Variants in DMD observed in about 807,000 individuals in gnomAD.
DMD encodes the protein dystrophin.
Under a neutral mutation model 330.1 loss-of-function variants are expected in DMD, and 63 were observed. The ratio of observed to expected loss-of-function variants is 0.19; its 90% confidence interval spans 0.16 to 0.24. DMD has a LOEUF of 0.24. Ranked by LOEUF, DMD falls within the 10% of genes least tolerant of loss-of-function variation. The pLI is 1.00. For synonymous variants in DMD, 1,223 were observed against 959.8 expected, an observed-to-expected ratio of 1.27 and a Z score of -5.07; for missense variants, 3,344 against 2,684.1, an observed-to-expected ratio of 1.25 and a Z score of -5.43.
At chrX:33,259,718 C>T (rs1158467817) in intron 1 of DMD, among the ~76,000 whole-genome samples, 3 of 107,188 alleles carry the variant, frequency 2.8e-5, no homozygotes, top group Non-Finnish European at 5.8e-5. Flanking sequence ...CACCTCCTGC[C>T]GCAACCCCTG....
At chrX:33,056,521 C>G (rs930238704) in intron 1 of DMD, among the ~76,000 whole-genome samples, 1 of 109,409 alleles carries the variant, frequency 9.1e-6, no homozygotes, top group Non-Finnish European at 1.9e-5. Flanking sequence ...CCACCATGCC[C>G]GGCTAATTTT....
chrX:33,197,014 T>C (rs753246646), intron 1 of DMD, among the ~76,000 whole-genome samples: 2 of 111,282 alleles, frequency 1.8e-5, no homozygotes, highest in Non-Finnish European at 3.8e-5. Flanking sequence ...GTAGGACATA[T>C]AGAATACGGC....
At chrX:32,667,736 C>T (rs897326314) in intron 9 of DMD, among the ~76,000 whole-genome samples, 67 of 104,979 alleles carry the variant, frequency 6.4e-4, no homozygotes, top group African/African-American at 2.3e-3. Flanking sequence ...TACACCTTCG[C>T]TTAAAAGTTC....
chrX:31,537,476 A>G (rs2073489194), intron 55 of DMD, among the ~76,000 whole-genome samples: 1 of 112,171 alleles, frequency 8.9e-6, no homozygotes, highest in African/African-American at 3.2e-5. Context: ...CCAATTAAAG[A>G]TTCTCTAGCC....
chrX:32,817,903 G>T (rs2077895335), intron 5 of DMD, among the ~76,000 whole-genome samples: 1 of 111,905 alleles, frequency 8.9e-6, no homozygotes, highest in Non-Finnish European at 1.9e-5. Flanking sequence ...ACGATTCGGA[G>T]ATATGAAATC....
chrX:32,653,851 T>C (rs1415028306), intron 9 of DMD, among the ~76,000 whole-genome samples: 1 of 111,998 alleles, frequency 8.9e-6, no homozygotes, highest in Non-Finnish European at 1.9e-5. Flanking sequence ...TGGTTTGTAG[T>C]TCTCCTTGAA....
At chrX:31,923,936 A>C (rs914319685) in intron 47 of DMD, among the ~76,000 whole-genome samples, 3 of 111,995 alleles carry the variant, frequency 2.7e-5, no homozygotes, top group Non-Finnish European at 5.6e-5. Flanking sequence ...CAGATTTATA[A>C]AATTAAAAAC....
At chrX:31,694,407 T>C (rs1297543043) in intron 52 of DMD, among the ~76,000 whole-genome samples, 1 of 108,126 alleles carries the variant, frequency 9.2e-6, no homozygotes, top group Non-Finnish European at 1.9e-5. Context: ...TGCATCAAAC[T>C]AAAAAGCTTT....
intron 60 of DMD, among the ~76,000 whole-genome samples, chrX:31,393,492 C>CAAAAAAAAAAAAAAAAAA (rs1308905111): frequency 1.4e-5 from 1 of 72,428 alleles, no homozygotes; most frequent in South Asian, 5.7e-4. Context: ...AAAAAAAAAA[C>CAAAAAAAAAAAAAAAAAA]AAAAAAAAAA....
intron 2 of DMD, among the ~76,000 whole-genome samples, chrX:33,002,504 T>A (rs1332847154): frequency 9.1e-6 from 1 of 109,936 alleles, no homozygotes; most frequent in Non-Finnish European, 1.9e-5. Context: ...AAGCAACCAA[T>A]CAGAGGCTGA....
At chrX:31,186,196 T>C (rs1369522982) in intron 67 of DMD, among the ~76,000 whole-genome samples, 1 of 111,973 alleles carries the variant, frequency 8.9e-6, no homozygotes, top group East Asian at 2.8e-4. Flanking sequence ...CAAAATGGTA[T>C]CAGTTCAAAC....
chrX:31,824,773 A>G (rs2092855534), intron 49 of DMD, among the ~76,000 whole-genome samples: 1 of 111,432 alleles, frequency 9.0e-6, no homozygotes, highest in Non-Finnish European at 1.9e-5. Flanking sequence ...TTTTATAAAT[A>G]TAAAATAAAC....
chrX:31,199,180 G>A (rs934722352), intron 67 of DMD, among the ~76,000 whole-genome samples: 29 of 111,789 alleles, frequency 2.6e-4, no homozygotes, highest in Non-Finnish European at 4.3e-4. Context: ...TACTAAGGTC[G>A]TAAAAATCAA....
At chrX:31,132,050 C>G (rs2034583160) in intron 77 of DMD, among the ~76,000 whole-genome samples, 1 of 112,085 alleles carries the variant, frequency 8.9e-6, no homozygotes, top group African/African-American at 3.2e-5. Context: ...AAGGGTACCA[C>G]TGAGTAAGCC....
intron 44 of DMD, among the ~76,000 whole-genome samples, chrX:32,160,152 A>G (rs2096843868): frequency 9.0e-6 from 1 of 111,208 alleles, no homozygotes; most frequent in Non-Finnish European, 1.9e-5. Context: ...TGAGTGGATT[A>G]GCTGAAACTC....
At chrX:32,347,312 C>T (rs1249463206) in intron 38 of DMD, among the ~76,000 whole-genome samples, 6 of 111,724 alleles carry the variant, frequency 5.4e-5, no homozygotes, top group Non-Finnish European at 1.1e-4. Context: ...TTAAAAAACC[C>T]ACTTCACTTC....
intron 51 of DMD, among the ~76,000 whole-genome samples, chrX:31,731,559 C>A (rs1212984329): frequency 9.0e-6 from 1 of 111,390 alleles, no homozygotes; most frequent in East Asian, 2.8e-4. Context: ...ACAGGGCTGG[C>A]AAAATACATA....
At chrX:32,274,480 A>T (rs1202554573) in intron 43 of DMD, among the ~76,000 whole-genome samples, 4 of 112,277 alleles carry the variant, frequency 3.6e-5, no homozygotes, top group African/African-American at 1.3e-4. Flanking sequence ...ATGATCCTGG[A>T]TGAAGCGGTG....
chrX:31,584,740 T>G (rs2076506263), intron 55 of DMD, among the ~76,000 whole-genome samples: 1 of 110,772 alleles, frequency 9.0e-6, no homozygotes, highest in Non-Finnish European at 1.9e-5. Flanking sequence ...TAGGTACAGG[T>G]GGAGGGGTGA....
Sources: allele counts gnomAD v4.1 joint callset (sites outside exome capture counted in the v4.1 genomes callset), GRCh38; gene constraint gnomAD v4.1.1; transcripts MANE v1.5; gene names NCBI Gene and HGNC (gene_info 2026-07-23, HGNC 2026-07-21).